FER: variants seen among roughly 807,000 people sequenced by gnomAD.
The protein encoded by FER is tyrosine-protein kinase Fer.
Under a neutral mutation model 111.0 loss-of-function variants are expected in FER, and 63 were observed. That is an observed-to-expected ratio of 0.57 (90% CI 0.46 to 0.70). FER has a LOEUF of 0.70. FER is among the 30% of genes least tolerant of loss of function. The pLI is 0.00. For missense variants in FER, 914 were observed against 954.0 expected (o/e 0.96, Z 0.55); for synonymous variants, 327 against 313.9 (o/e 1.04, Z -0.44).
chr5:109,071,949 C>CA (rs1775814531), intron 16 of FER, among the ~76,000 whole-genome samples: 1 of 150,552 alleles, frequency 6.6e-6, no homozygotes, highest in African/African-American at 2.4e-5. Context: ...TGATATATAA[C>CA]ATTTTTTGAC....
At chr5:108,754,420 A>G (rs1437000348) in intron 1 of FER, among the ~76,000 whole-genome samples, 1 of 140,212 alleles carries the variant, frequency 7.1e-6, no homozygotes, top group East Asian at 1.9e-4. Flanking sequence ...AAAAAAAAAA[A>G]AAAAAAAAAA....
At chr5:108,812,681 A>T (rs1431172007) in intron 3 of FER, among the ~76,000 whole-genome samples, 1 of 151,982 alleles carries the variant, frequency 6.6e-6, no homozygotes, top group African/African-American at 2.4e-5. Flanking sequence ...GCATTTTTAA[A>T]ATGTGACTAT....
chr5:108,752,652 A>G (rs1163696959), intron 1 of FER, among the ~76,000 whole-genome samples: 1 of 151,992 alleles, frequency 6.6e-6, no homozygotes, highest in Non-Finnish European at 1.5e-5. Flanking sequence ...ATGAGGCCAT[A>G]TTTTTTCTTT....
chr5:108,811,938 T>G (rs1353550351), intron 3 of FER, among the ~76,000 whole-genome samples: 2 of 151,952 alleles, frequency 1.3e-5, no homozygotes, highest in Non-Finnish European at 2.9e-5. Context: ...GTGGATCTTC[T>G]TTACTCAGTT....
At chr5:109,072,570 G>T (rs1021781544) in intron 16 of FER, among the ~76,000 whole-genome samples, 2 of 151,734 alleles carry the variant, frequency 1.3e-5, no homozygotes, top group African/African-American at 2.4e-5. Context: ...CAGTGATGTC[G>T]TGTTTCCCTT....
At chr5:108,856,159 A>G (rs992680877) in intron 5 of FER, among the ~76,000 whole-genome samples, 1 of 152,150 alleles carries the variant, frequency 6.6e-6, no homozygotes, top group African/African-American at 2.4e-5. Context: ...ATAGCTTAGG[A>G]GAGATGGAGA....
At chr5:109,156,004 A>T (rs1755335355) in intron 17 of FER, among the ~76,000 whole-genome samples, 1 of 152,082 alleles carries the variant, frequency 6.6e-6, no homozygotes, top group Admixed American at 6.6e-5. Context: ...TTTTTTAAAA[A>T]AGTAAGAATA....
At chr5:109,156,588 G>A (rs1755419008) in intron 17 of FER, among the ~76,000 whole-genome samples, 1 of 151,882 alleles carries the variant, frequency 6.6e-6, no homozygotes, top group African/African-American at 2.4e-5. Context: ...AGATGATCTA[G>A]AAAGACCCTA....
chr5:108,761,738 A>G (rs1356754176), intron 1 of FER, among the ~76,000 whole-genome samples: 1 of 152,142 alleles, frequency 6.6e-6, no homozygotes, highest in African/African-American at 2.4e-5. Flanking sequence ...ATAAAACAAG[A>G]TATACTTGTC....
At chr5:109,047,904 A>G (rs1438656970) in intron 16 of FER, among the ~76,000 whole-genome samples, 1 of 152,204 alleles carries the variant, frequency 6.6e-6, no homozygotes, top group African/African-American at 2.4e-5. Context: ...ACTTTTGACA[A>G]CAAAGAAAAC....
intron 13 of FER, among the ~76,000 whole-genome samples, chr5:108,969,616 T>TTTTTTTTTTTTTTTTTTTTTTTTTTG (rs1561695264): frequency 6.7e-6 from 1 of 149,050 alleles, no homozygotes; most frequent in African/African-American, 2.6e-5. Flanking sequence ...TTAATTTTTT[T>TTTTTTTTTTTTTTTTTTTTTTTTTTG]GAACACTGTG....
At chr5:108,950,660 C>A (rs190460022) in intron 11 of FER, among the ~76,000 whole-genome samples, 2 of 151,870 alleles carry the variant, frequency 1.3e-5, no homozygotes, top group African/African-American at 4.8e-5. Context: ...TAGATTCAAA[C>A]GGTAACTATT....
At chr5:108,859,948 T>TATTATC (rs1371595477) in intron 5 of FER, among the ~76,000 whole-genome samples, 4 of 148,872 alleles carry the variant, frequency 2.7e-5, no homozygotes, top group Non-Finnish European at 5.9e-5. Context: ...TTATTATTAT[T>TATTATC]ATTATTATTT....
At chr5:109,172,844 A>C (rs915847590) in intron 17 of FER, among the ~76,000 whole-genome samples, 87 of 152,258 alleles carry the variant, frequency 5.7e-4, no homozygotes, top group Non-Finnish European at 1.2e-3. Context: ...GGTGATAGGG[A>C]GCAGAAATAT....
chr5:109,124,779 G>T (rs541070914), intron 17 of FER, among the ~76,000 whole-genome samples: 2 of 152,208 alleles, frequency 1.3e-5, no homozygotes, highest in East Asian at 1.9e-4. Flanking sequence ...GGGCGCGGTG[G>T]CTCACGCCTG....
chr5:109,112,231 T>C (rs1331776245), intron 17 of FER, among the ~76,000 whole-genome samples: 1 of 152,162 alleles, frequency 6.6e-6, no homozygotes, highest in Non-Finnish European at 1.5e-5. Context: ...TATTAAATTA[T>C]TATCCAGTTG....
chr5:108,844,784 A>C (rs1465976246), intron 5 of FER, among the ~76,000 whole-genome samples: 2 of 151,470 alleles, frequency 1.3e-5, no homozygotes, highest in Admixed American at 1.3e-4. Flanking sequence ...GTCTGCCTTA[A>C]TTTGTTCAGA....
At chr5:109,024,134 G>C (rs1022914371) in intron 13 of FER, among the ~76,000 whole-genome samples, 6 of 152,100 alleles carry the variant, frequency 3.9e-5, no homozygotes, top group African/African-American at 1.4e-4. Context: ...AAGCAGTTTC[G>C]CTCCATAGCC....
chr5:109,057,812 G>A (rs1284989619), intron 16 of FER, among the ~76,000 whole-genome samples: 1 of 152,114 alleles, frequency 6.6e-6, no homozygotes, highest in African/African-American at 2.4e-5. Flanking sequence ...AGAAGAAAAT[G>A]TTACCAATTC....
Sources: gnomAD v4.1 joint callset for allele counts (sites outside exome capture counted in the v4.1 genomes callset) on GRCh38, gnomAD v4.1.1 for gene constraint, MANE v1.5 for transcripts, NCBI Gene and HGNC (gene_info 2026-07-23, HGNC 2026-07-21) for gene names.